LGR6: variants seen among roughly 807,000 people sequenced by gnomAD.
LGR6 encodes leucine-rich repeat-containing G protein-coupled receptor 6.
A neutral mutation model predicts 69.4 loss-of-function variants in LGR6; 45 were observed. The ratio of observed to expected loss-of-function variants is 0.65; its 90% CI spans 0.51 to 0.83. LGR6 has a LOEUF of 0.83. LGR6 is among the 40% of genes least tolerant of loss of function. The probability of loss-of-function intolerance (pLI) is 0.00; values close to 1 mark genes in which losing one functional copy is unlikely to be tolerated. For missense variants in LGR6, 1,108 were observed against 1,246.7 expected, an observed-to-expected ratio of 0.89 and a Z score of 1.68; for synonymous variants, 538 against 555.0, an observed-to-expected ratio of 0.97 and a Z score of 0.43.
chr1:202,256,237 T>A (rs569970447), intron 4 of LGR6, among the ~76,000 whole-genome samples: 2 of 152,312 alleles, frequency 1.3e-5, no homozygotes, highest in African/African-American at 4.8e-5. Context: ...ATTCCTTTTT[T>A]ATTTTTTTTA....
At chr1:202,230,826 G>C (rs1395971227) in intron 3 of LGR6, among the ~76,000 whole-genome samples, 1 of 152,200 alleles carries the variant, frequency 6.6e-6, no homozygotes, top group East Asian at 1.9e-4. Flanking sequence ...CCTGACATAA[G>C]ATGGTCTGGC....
At chr1:202,204,213 G>GCACACACACACACCTCCA (rs1259894315) in intron 1 of LGR6, among the ~76,000 whole-genome samples, 1 of 140,764 alleles carries the variant, frequency 7.1e-6, no homozygotes, top group Non-Finnish European at 1.5e-5. Context: ...CCTCCTTCAA[G>GCACACACACACACCTCCA]CACACACACA....
chr1:202,312,359 C>T (rs1653810261), intron 16 of LGR6, among the ~76,000 whole-genome samples: 1 of 152,124 alleles, frequency 6.6e-6, no homozygotes, highest in Admixed American at 6.5e-5. Context: ...GAACTTCTTT[C>T]TGGAGAGCAG....
At chr1:202,229,064 T>C (rs1486223584) in intron 3 of LGR6, among the ~76,000 whole-genome samples, 1 of 152,168 alleles carries the variant, frequency 6.6e-6, no homozygotes, top group African/African-American at 2.4e-5. Context: ...TTTAAAAATG[T>C]ACTCAGAGGT....
In LGR6 at chr1:202,209,329, G is replaced by T. The variant is rs572277135; in HGVS notation, c.212+15128G>T. Among the ~76,000 whole-genome samples, 3 of 152,340 alleles carry T rather than the reference G, an allele frequency of 2.0e-5. No homozygotes were observed. The South Asian group carries it at 6.2e-4, about 32-fold the overall frequency. On this transcript the variant is annotated intron_variant, in intron 1 of 17. Coordinates refer to ENST00000367278, the MANE Select transcript of LGR6 (RefSeq NM_001017403.2). ...AGGGATCCTGGAGGGGCTGCCTGCTGCTGAGGAGGTCAGAGGCCTCTCCCT... is the reference window on the plus strand; with the variant it reads ...AGGGATCCTGGAGGGGCTGCCTGCTTCTGAGGAGGTCAGAGGCCTCTCCCT...
intron 4 of LGR6, among the ~76,000 whole-genome samples, chr1:202,269,058 C>G (rs1223601110): frequency 6.6e-6 from 1 of 152,112 alleles, no homozygotes; most frequent in African/African-American, 2.4e-5. Flanking sequence ...GAGCGTGCCA[C>G]CATGCCTGGC....
intron 6 of LGR6, among the ~76,000 whole-genome samples, chr1:202,292,047 A>T (rs1666833546): frequency 1.3e-5 from 2 of 152,188 alleles, no homozygotes; most frequent in South Asian, 4.1e-4. Flanking sequence ...AGGGTATTTC[A>T]GGCTGAGGGC....
At chr1:202,269,810 C>G (rs1274731041) in intron 4 of LGR6, among the ~76,000 whole-genome samples, 1 of 152,202 alleles carries the variant, frequency 6.6e-6, no homozygotes, top group East Asian at 1.9e-4. Context: ...CCCTTGCTTT[C>G]CTCGCCTCCC....
chr1:202,271,484 T>TG (rs917578690), intron 4 of LGR6, among the ~76,000 whole-genome samples: 1 of 152,010 alleles, frequency 6.6e-6, no homozygotes, highest in African/African-American at 2.4e-5. Context: ...CAGAGGTTCC[T>TG]GGGGGCAGGG....
In LGR6 at chr1:202,225,484, T is replaced by C; in HGVS notation, c.274T>C (p.Leu92=). ...QPGLFHHLRF[L]EELRLSGNHL... ...TGGCCTCTTCCACCACCTGCGCTTC[T>C]TGGAGGAGCTGTGAGTAGATGCTTT... Residue 92 remains leucine (L), a synonymous_variant, in exon 2 of 18, where the codon TTG becomes CTG. Coordinates refer to ENST00000367278, the MANE Select transcript of LGR6 (RefSeq NM_001017403.2). 6.2e-7 allele frequency: 1 copy of C among 1,613,788 alleles called. No individual in the cohort carries two copies. Among genetic ancestry groups the C allele is most frequent in the Non-Finnish European group, 8.5e-7 (1 of 1,179,736 alleles).
chr1:202,301,134 C>T (rs780581243), intron 8 of LGR6, 30 bp from the exon 9 acceptor site: 41 of 1,607,592 alleles, frequency 2.6e-5, no homozygotes, highest in Middle Eastern at 1.6e-4. Context: ...CTGAAAAACC[C>T]AATTAGGTGT....
At chr1:202,294,690 T>A (rs915928787) in intron 6 of LGR6, among the ~76,000 whole-genome samples, 2 of 152,228 alleles carry the variant, frequency 1.3e-5, no homozygotes, top group African/African-American at 2.4e-5. Context: ...AGGGACCAAG[T>A]CACACTATAT....
chr1:202,199,370 G>A (rs955613417), intron 1 of LGR6, among the ~76,000 whole-genome samples: 1 of 152,192 alleles, frequency 6.6e-6, no homozygotes, highest in African/African-American at 2.4e-5. Flanking sequence ...TCAGAAGGCA[G>A]ACCCGGGGGG....
At chr1:202,205,664 C>T (rs1659181345) in intron 1 of LGR6, among the ~76,000 whole-genome samples, 1 of 140,594 alleles carries the variant, frequency 7.1e-6, no homozygotes, top group Non-Finnish European at 1.5e-5. Context: ...ACGCACACCT[C>T]CCTCAAACAT....
chr1:202,260,373 G>T (rs750401407), intron 4 of LGR6, among the ~76,000 whole-genome samples: 1 of 151,392 alleles, frequency 6.6e-6, no homozygotes, highest in African/African-American at 2.4e-5. Flanking sequence ...TCGCTCTGTC[G>T]CCCAGGCTGT....
At chr1:202,228,110 A>C in intron 3 of LGR6, 103 bp downstream of exon 3, 1 of 713,804 alleles carries the variant, frequency 1.4e-6, no homozygotes, top group Non-Finnish European at 2.4e-6. Flanking sequence ...TGACTTGCTT[A>C]TTATTTCCTT....
rs147172581 is a variant in LGR6 at position 202,216,432 on chromosome 1, C to T, written c.213-8991C>T. Among the ~76,000 whole-genome samples the T allele has an allele frequency of 1.2e-4, 18 of 152,252 alleles. No homozygotes were observed. In the East Asian group the frequency reaches 2.7e-3, roughly 23 times the overall value. ...CATTGCTGCCCAATAGAATGCCCTG[C>T]GATGATGGATGTGTTCTAGAACTGT... is the stretch of plus-strand genomic sequence containing the variant. On this transcript the variant is annotated intron_variant, in intron 1 of 17. Transcript: ENST00000367278.
intron 6 of LGR6, among the ~76,000 whole-genome samples, chr1:202,291,266 C>T (rs1175799264): frequency 6.6e-6 from 1 of 152,168 alleles, no homozygotes; most frequent in Non-Finnish European, 1.5e-5. Context: ...GGAGACAGAA[C>T]AATGAACTCT....
At chr1:202,213,095 C>A (rs1659524691) in intron 1 of LGR6, among the ~76,000 whole-genome samples, 2 of 152,212 alleles carry the variant, frequency 1.3e-5, no homozygotes, top group Admixed American at 1.3e-4. Flanking sequence ...GGGGCACACA[C>A]ACTTTCTCCA....
Sources: allele counts gnomAD v4.1 joint callset (sites outside exome capture counted in the v4.1 genomes callset), GRCh38; gene constraint gnomAD v4.1.1; transcripts MANE v1.5; gene names NCBI Gene and HGNC (gene_info 2026-07-23, HGNC 2026-07-21).